The following ATAD2 variants were observed in gnomAD, a reference collection of about 807,000 sequenced individuals.
The protein encoded by ATAD2 is ATPase family AAA domain-containing protein 2.
Under a neutral mutation model 168.9 loss-of-function variants are expected in ATAD2, and 62 were observed. The observed-to-expected ratio is 0.37, with a 90% CI of 0.30 to 0.45. The LOEUF is 0.45. ATAD2 is among the 20% of genes least tolerant of loss of function. ATAD2 has a pLI of 1.00. For missense variants in ATAD2, 1,419 were observed against 1,667.8 expected (o/e 0.85, Z 2.60); for synonymous variants, 613 against 571.6 (o/e 1.07, Z -1.03).
At chr8:123,348,307 A>G in intron 14 of ATAD2, 34 bp from the exon 15 acceptor site, 1 of 1,326,626 alleles carries the variant, frequency 7.5e-7, no homozygotes, top group Non-Finnish European at 1.0e-6. Context: ...TTTTACAACT[A>G]TAATAATAAA....
chr8:123,410,533 C>T (rs1427412169), intron 1 of ATAD2, among the ~76,000 whole-genome samples: 1 of 96,488 alleles, frequency 1.0e-5, no homozygotes, highest in African/African-American at 3.7e-5. Flanking sequence ...GTGATCCACC[C>T]GCCTTGGCCT....
upstream of ATAD2, chr8:123,400,576 C>T (rs1812982699): frequency 2.3e-5 from 12 of 524,864 alleles, no homozygotes; most frequent in South Asian, 2.0e-4. This position sits in a 1 kb window ranked among gnomAD's most constrained non-coding sequence, Gnocchi z 4.5. Context: ...CTCTGGCAGC[C>T]TGACAGACTA....
chr8:123,375,800 A>C (rs527380943), intron 2 of ATAD2, among the ~76,000 whole-genome samples: 2 of 151,730 alleles, frequency 1.3e-5, no homozygotes, highest in Admixed American at 6.6e-5. Context: ...GTGAAACTCC[A>C]TATCTACTAA....
chr8:123,382,010 C>T (rs925451536), intron 1 of ATAD2, among the ~76,000 whole-genome samples: 2 of 152,172 alleles, frequency 1.3e-5, no homozygotes, highest in Admixed American at 1.3e-4. Context: ...CGTGCCACTG[C>T]ACTCCAGCCT....
rs1827451598 is a variant in ATAD2, at chr8:123,320,974, AAT to A, written c.*158_*159del. ...TTATCTTACACATGACATTTATCTT[AAT>A]ATGTACATAAATATCAGGAAAGTTT... On this transcript the variant is annotated 3_prime_UTR_variant, in exon 28 of 28. Transcript: ENST00000287394. 3.1e-6 allele frequency: 2 copies of A among 637,378 alleles called. No individual in the cohort carries two copies. Among genetic ancestry groups the A allele is most frequent in the South Asian group, 4.0e-5 (2 of 50,510 alleles). The allele number at this position is 637,378 out of a possible 1,614,324, so 39.5% of individuals were successfully genotyped here. A position where few individuals can be genotyped will look rare whatever the true frequency, so the allele number is the denominator to read the frequency against.
intron 18 of ATAD2, among the ~76,000 whole-genome samples, chr8:123,345,835 T>G (rs892538441): frequency 1.1e-4 from 16 of 152,240 alleles, no homozygotes; most frequent in African/African-American, 2.7e-4. Context: ...GTAAGTAGTA[T>G]TATCTCCATT....
chr8:123,395,726 G>C (rs1472883815), intron 1 of ATAD2, among the ~76,000 whole-genome samples: 2 of 152,200 alleles, frequency 1.3e-5, no homozygotes, highest in Non-Finnish European at 2.9e-5. Context: ...ATGGAGGTCA[G>C]AGAACCTGAA....
chr8:123,379,301 C>T (rs1418267446), intron 2 of ATAD2, among the ~76,000 whole-genome samples: 1 of 152,056 alleles, frequency 6.6e-6, no homozygotes, highest in African/African-American at 2.4e-5. Context: ...AACACCAACA[C>T]ATAGAAATTC....
chr8:123,362,041 T>A (rs1392659332), intron 8 of ATAD2, among the ~76,000 whole-genome samples: 1 of 152,162 alleles, frequency 6.6e-6, no homozygotes, highest in Non-Finnish European at 1.5e-5. Flanking sequence ...GGGGGAAGGA[T>A]CACTTGACAG....
chr8:123,404,983 G>A (rs989416801), intron 1 of ATAD2, among the ~76,000 whole-genome samples: 1 of 152,188 alleles, frequency 6.6e-6, no homozygotes, highest in Admixed American at 6.6e-5. Context: ...GAGGGGGGTT[G>A]GGACTTGAAT....
At chr8:123,361,371 G>A (rs958831641) in intron 9 of ATAD2, among the ~76,000 whole-genome samples, 168 bp downstream of exon 9, 1 of 150,746 alleles carries the variant, frequency 6.6e-6, no homozygotes, top group Non-Finnish European at 1.5e-5. Flanking sequence ...CTGTTATTCT[G>A]ATTCAACTGT....
chr8:123,399,109 A>T (rs151042751), upstream of ATAD2, among the ~76,000 whole-genome samples: 970 of 152,166 alleles, frequency 6.4e-3, 11 homozygotes, highest in African/African-American at 0.022. Flanking sequence ...GAAAATACAA[A>T]AAATTAGCTG....
chr8:123,379,285 TACACCA>T (rs946298181), intron 2 of ATAD2, among the ~76,000 whole-genome samples: 2 of 152,096 alleles, frequency 1.3e-5, no homozygotes, highest in African/African-American at 2.4e-5. Flanking sequence ...GCTTTAGAAA[TACACCA>T]ACACCAACAC....
At chr8:123,410,718 T>C (rs1171496843) in intron 1 of ATAD2, among the ~76,000 whole-genome samples, 1 of 152,218 alleles carries the variant, frequency 6.6e-6, no homozygotes, top group African/African-American at 2.4e-5. Flanking sequence ...TACTGCACTC[T>C]TCTGGACCAT....
intron 13 of ATAD2, among the ~76,000 whole-genome samples, chr8:123,353,655 T>G (rs1828544827): frequency 6.6e-6 from 1 of 152,098 alleles, no homozygotes; most frequent in Non-Finnish European, 1.5e-5. Flanking sequence ...CCGCCATCTC[T>G]CCTGAGTCCT....
intron 1 of ATAD2, chr8:123,416,207 T>C (rs563279821): frequency 6.6e-6 from 1 of 152,312 alleles, no homozygotes. Flanking sequence ...TGCAGAAGCG[T>C]GGATTTTCAC....
rs903452640 is a variant in ATAD2 at position 123,349,266 on chromosome 8, A to G, written c.1806+19T>C. On this transcript the variant is annotated intron_variant, in intron 14 of 27. Coordinates refer to ENST00000287394, the MANE Select transcript of ATAD2 (RefSeq NM_014109.4). ...CAGCAATATATTTTGTCAAAATTTG[A>G]GTGACATTAAATTCTTACCTCTTTA... 3.1e-6 allele frequency: 5 copies of G among 1,600,972 alleles called. No homozygotes were observed. The highest frequency in any genetic ancestry group is 3.4e-6 in the Non-Finnish European group (4 of 1,175,624).
At position 123,357,576 on chromosome 8, in the gene ATAD2, A is replaced by G. The variant is rs1241440224; in HGVS notation, c.1543T>C (p.Leu515=). Residue 515 remains leucine, a synonymous_variant, in exon 12 of 28, where the codon TTG becomes CTG. Transcript: ENST00000287394. ...WVGESERQLR[L]LFDQAYQMRP... ...TAATATCATACCTGATCAAACAGCA[A>G]TCGTAGCTGTCTTTCAGATTCTCCT... 4 of 1,612,996 alleles carry G rather than the reference A, an allele frequency of 2.5e-6. No individual in the cohort carries two copies. Among genetic ancestry groups the G allele is most frequent in the Non-Finnish European group, 3.4e-6 (4 of 1,179,710 alleles).
At chr8:123,369,377 C>G (rs996120200) in intron 7 of ATAD2, 1 of 214,920 alleles carries the variant, frequency 4.7e-6, no homozygotes, top group African/African-American at 2.3e-5. Context: ...CAGCTGATAA[C>G]ATGTATAGCA....
Sources: gnomAD v4.1 joint callset for allele counts (sites outside exome capture counted in the v4.1 genomes callset) on GRCh38, gnomAD v4.1.1 for gene constraint, Gnocchi (gnomAD v3.1) non-coding constraint, MANE v1.5 for transcripts, NCBI Gene and HGNC (gene_info 2026-07-23, HGNC 2026-07-21) for gene names.